MIPOL1: variants seen among roughly 807,000 people sequenced by gnomAD.
MIPOL1 encodes mirror-image polydactyly 1.
A neutral mutation model predicts 60.9 loss-of-function variants in MIPOL1; 57 were observed. The ratio of observed to expected loss-of-function variants is 0.94; its 90% CI spans 0.76 to 1.17. The LOEUF is 1.17. Ranked by LOEUF, MIPOL1 falls within the 50% of genes most tolerant of loss-of-function variation. The pLI, the probability that MIPOL1 is intolerant of heterozygous loss-of-function variation, is 0.00. For missense variants in MIPOL1, 551 were observed against 511.6 expected (o/e 1.08, Z -0.74); for synonymous variants, 179 against 168.8 (o/e 1.06, Z -0.47).
rs771812222 is a variant in MIPOL1 at position 37,268,680 on chromosome 14, G to A, written c.274G>A (p.Asp92Asn). The A allele has an allele frequency of 6.3e-7, 1 of 1,598,084 alleles. No homozygotes were observed. ...CAGCGTTATGGAACATAGACATAAT[G>A]ATATGCATTATGAATGTATGACTCC... ...KYNVMEHRHN[D>N]MHYECMTPCQ... is the part of the protein sequence containing the mutation. Residue 92 changes from aspartate (D) to asparagine (N), a missense_variant, in exon 5 of 13, where the codon GAT becomes AAT. Asp to Asn is a conservative substitution (Grantham distance 23). Coordinates refer to ENST00000684589, the MANE Select transcript of MIPOL1 (RefSeq NM_001388067.1).
intron 9 of MIPOL1, among the ~76,000 whole-genome samples, chr14:37,316,537 A>G (rs867642155): frequency 4.6e-5 from 7 of 151,696 alleles, no homozygotes; most frequent in South Asian, 2.1e-4. Flanking sequence ...CCCCTCCTGT[A>G]ATGTAGGCAG....
At chr14:37,449,213 C>CTGTTAG (rs1441827510) in intron 11 of MIPOL1, among the ~76,000 whole-genome samples, 2 of 151,836 alleles carry the variant, frequency 1.3e-5, no homozygotes, top group South Asian at 2.1e-4. Context: ...TTTAACCTTC[C>CTGTTAG]TGTTAATAAG....
At chr14:37,501,671 G>A (rs963612556) in intron 12 of MIPOL1, 1 of 152,180 alleles carries the variant, frequency 6.6e-6, no homozygotes, top group Non-Finnish European at 1.5e-5. Flanking sequence ...GCAGCTCCCA[G>A]TGTTGATCGA....
At chr14:37,375,290 C>T (rs900344352) in intron 10 of MIPOL1, among the ~76,000 whole-genome samples, 1 of 151,990 alleles carries the variant, frequency 6.6e-6, no homozygotes, top group African/African-American at 2.4e-5. Flanking sequence ...CTCACTATAG[C>T]CTCAACCACC....
chr14:37,377,522 TA>T (rs1243762272), intron 10 of MIPOL1, among the ~76,000 whole-genome samples: 1 of 152,106 alleles, frequency 6.6e-6, no homozygotes, highest in East Asian at 1.9e-4. Context: ...GGGGGCAAGA[TA>T]AAATAGCCCT....
intron 11 of MIPOL1, among the ~76,000 whole-genome samples, chr14:37,453,059 A>G (rs918889800): frequency 3.3e-5 from 5 of 152,202 alleles, no homozygotes; most frequent in African/African-American, 1.2e-4. Context: ...TTATTTACCA[A>G]TGAAAGAAAT....
At chr14:37,333,536 C>G (rs2153456110) in intron 9 of MIPOL1, among the ~76,000 whole-genome samples, 1 of 149,788 alleles carries the variant, frequency 6.7e-6, no homozygotes, top group Middle Eastern at 3.4e-3. Flanking sequence ...CACAGATAAG[C>G]TGAAAGTGAA....
intron 10 of MIPOL1, among the ~76,000 whole-genome samples, chr14:37,416,244 C>G (rs970037828): frequency 1.3e-5 from 2 of 152,136 alleles, no homozygotes; most frequent in African/African-American, 4.8e-5. Flanking sequence ...AATGTATTCT[C>G]TTTTTACAGG....
At chr14:37,353,518 T>C (rs968921984) in intron 9 of MIPOL1, among the ~76,000 whole-genome samples, 1 of 152,150 alleles carries the variant, frequency 6.6e-6, no homozygotes, top group East Asian at 1.9e-4. Flanking sequence ...AGAATTCGGC[T>C]GTGAATCCAT....
chr14:37,286,116 C>T (rs1222404800), intron 7 of MIPOL1, among the ~76,000 whole-genome samples: 3 of 152,146 alleles, frequency 2.0e-5, no homozygotes, highest in African/African-American at 7.2e-5. Context: ...TCTTTCACTG[C>T]TCTCTGCTTA....
At chr14:37,217,111 A>T (rs949471674) in intron 1 of MIPOL1, among the ~76,000 whole-genome samples, 1 of 152,214 alleles carries the variant, frequency 6.6e-6, no homozygotes, top group Non-Finnish European at 1.5e-5. Context: ...AGGATCATTA[A>T]TGAGCAACCA....
At chr14:37,453,772 A>G (rs1405756834) in intron 11 of MIPOL1, among the ~76,000 whole-genome samples, 2 of 152,236 alleles carry the variant, frequency 1.3e-5, no homozygotes, top group Non-Finnish European at 2.9e-5. Flanking sequence ...CAAGCTTGCA[A>G]TTAGAACCAA....
chr14:37,290,409 A>G (rs1351203323), intron 7 of MIPOL1, among the ~76,000 whole-genome samples: 1 of 152,072 alleles, frequency 6.6e-6, no homozygotes, highest in African/African-American at 2.4e-5. Flanking sequence ...TATTTTTAGT[A>G]GAGATGGGGT....
At chr14:37,340,791 T>C (rs2090514026) in intron 9 of MIPOL1, among the ~76,000 whole-genome samples, 1 of 152,180 alleles carries the variant, frequency 6.6e-6, no homozygotes, top group Non-Finnish European at 1.5e-5. Context: ...GTACAATTTT[T>C]ATAAAATCTA....
intron 1 of MIPOL1, among the ~76,000 whole-genome samples, chr14:37,222,410 T>C (rs1035242532): frequency 2.0e-5 from 3 of 151,388 alleles, no homozygotes; most frequent in African/African-American, 4.9e-5. Flanking sequence ...TTTTAACTTA[T>C]TATAGAGGTT....
At chr14:37,201,153 C>T (rs1965276195) in intron 1 of MIPOL1, among the ~76,000 whole-genome samples, 1 of 152,034 alleles carries the variant, frequency 6.6e-6, no homozygotes, top group Non-Finnish European at 1.5e-5. Context: ...GATCCTCCTT[C>T]CCCAGCCTCC....
At chr14:37,534,114 A>T (rs533144319) in intron 12 of MIPOL1, among the ~76,000 whole-genome samples, 11 of 151,962 alleles carry the variant, frequency 7.2e-5, no homozygotes, top group South Asian at 2.1e-4. Flanking sequence ...AAGAAGAAGA[A>T]GATGATGATG....
intron 1 of MIPOL1, among the ~76,000 whole-genome samples, chr14:37,208,430 G>T (rs1306231728): frequency 6.6e-6 from 1 of 152,004 alleles, no homozygotes; most frequent in Non-Finnish European, 1.5e-5. Flanking sequence ...ATAATATAGA[G>T]AAATTAACTT....
intron 9 of MIPOL1, among the ~76,000 whole-genome samples, chr14:37,347,324 GAAGA>G (rs1183434966): frequency 2.0e-5 from 3 of 151,934 alleles, no homozygotes; most frequent in Non-Finnish European, 2.9e-5. Context: ...AAGCATACAA[GAAGA>G]AAGAAATGAA....
Sources: gnomAD v4.1 joint callset for allele counts (sites outside exome capture counted in the v4.1 genomes callset) on GRCh38, gnomAD v4.1.1 for gene constraint, MANE v1.5 for transcripts, NCBI Gene and HGNC (gene_info 2026-07-23, HGNC 2026-07-21) for gene names.